CARF: variants seen among roughly 807,000 people sequenced by gnomAD.
The protein encoded by CARF is calcium-responsive transcription factor.
CARF carries 57 observed loss-of-function variants against 82.0 expected under a neutral mutation model. The observed-to-expected ratio is 0.70, with a 90% CI of 0.56 to 0.87. The LOEUF is 0.87. CARF is among the 40% of genes least tolerant of loss of function. CARF has a pLI of 0.00. For missense variants in CARF, 771 were observed against 855.8 expected (o/e 0.90, Z 1.24); for synonymous variants, 268 against 290.1 (o/e 0.92, Z 0.77).
In CARF at chr2:202,961,432, T is replaced by G; in HGVS notation, c.832+6T>G. 1 of 1,612,080 alleles carries G rather than the reference T, an allele frequency of 6.2e-7. No individual in the cohort carries two copies. ...AATCCCATTTGTTAATGCAGGTACT[T>G]TTTTAAAGAATTATTTTAAAAGGTT... On this transcript the variant is annotated splice_donor_region_variant and intron_variant, in intron 9 of 16. Transcript: ENST00000438828.
chr2:202,923,156 G>A (rs182714043), intron 2 of CARF, among the ~76,000 whole-genome samples: 33 of 152,086 alleles, frequency 2.2e-4, no homozygotes, highest in African/African-American at 4.3e-4. Flanking sequence ...CAGGAGAATC[G>A]CTTGAACCTG....
chr2:202,978,113 T>G (rs2060106745), intron 14 of CARF, among the ~76,000 whole-genome samples: 1 of 152,320 alleles, frequency 6.6e-6, no homozygotes, highest in South Asian at 2.1e-4. Context: ...CCCAAAGTGG[T>G]GGGATTACAG....
intron 3 of CARF, among the ~76,000 whole-genome samples, chr2:202,929,363 T>C (rs759083003): frequency 7.2e-5 from 11 of 152,186 alleles, no homozygotes; most frequent in Non-Finnish European, 1.5e-4. Context: ...TTTTTATATA[T>C]GGTGAGAGCT....
chr2:202,933,098 G>T (rs981391685), intron 3 of CARF, among the ~76,000 whole-genome samples: 1 of 152,140 alleles, frequency 6.6e-6, no homozygotes, highest in Non-Finnish European at 1.5e-5. Context: ...TGTTTCCCTA[G>T]GAGGCAGGAT....
intron 2 of CARF, among the ~76,000 whole-genome samples, chr2:202,920,686 G>A (rs1344366788): frequency 2.0e-5 from 3 of 151,640 alleles, no homozygotes; most frequent in African/African-American, 7.3e-5. Flanking sequence ...GGGAAAGAAA[G>A]AAAAAGAAAA....
In CARF at chr2:202,974,363, C is replaced by G. The variant is rs755769195; in HGVS notation, c.1361C>G (p.Pro454Arg). ...TTTGTGGAAAGGGAACTGTTCAAAC[C>G]CGATGAGGTACCTGAAAGACATAAT... Reference protein sequence around the residue: ...RKFVERELFKPDEVPERHNLS... With the variant: ...RKFVERELFKRDEVPERHNLS... The change falls in exon 13 of 17, where the codon CCC becomes CGC. Residue 454 changes from proline to arginine, a missense_variant. Physicochemically the swap from Pro to Arg is moderately radical, Grantham distance 103. Coordinates refer to ENST00000438828, the MANE Select transcript of CARF (RefSeq NM_024744.17). The G allele has an allele frequency of 1.6e-5, 25 of 1,605,638 alleles. No individual in the cohort carries two copies. The highest frequency in any genetic ancestry group is 2.0e-5 in the Non-Finnish European group (24 of 1,177,782).
At chr2:202,925,023 G>A (rs1277815014) in intron 3 of CARF, 5 of 402,788 alleles carry the variant, frequency 1.2e-5, no homozygotes, top group South Asian at 2.1e-5. Context: ...TTTTGCAGCA[G>A]CAAAAAGTAG....
chr2:202,939,798 C>T (rs2058138328), intron 3 of CARF, among the ~76,000 whole-genome samples: 1 of 147,854 alleles, frequency 6.8e-6, no homozygotes, highest in South Asian at 2.2e-4. Context: ...AAGAGATCCT[C>T]CCACCTCAGC....
At chr2:202,971,364 C>A in intron 11 of CARF, 141 bp from the exon 12 acceptor site, 4 of 425,386 alleles carry the variant, frequency 9.4e-6, no homozygotes, top group Non-Finnish European at 8.2e-6. Context: ...ATGAAATAAC[C>A]ATATATAATT....
rs1559298372 is a variant in CARF at position 202,986,867 on chromosome 2, C to CATATATATATAT, written c.*3243_*3244insATATATATATAT. 2 of 56,690 alleles carry CATATATATATAT rather than the reference C, an allele frequency of 3.5e-5. No homozygotes were observed. Among genetic ancestry groups the CATATATATATAT allele is most frequent in the Non-Finnish European group, 6.6e-5 (2 of 30,306 alleles). 3.5% of individuals were successfully genotyped at this position (56,690 alleles called of 1,614,324 possible). A position where few individuals can be genotyped will look rare whatever the true frequency, so the allele number is the denominator to read the frequency against. On this transcript the variant is annotated 3_prime_UTR_variant, in exon 17 of 17. Coordinates refer to ENST00000438828, the MANE Select transcript of CARF (RefSeq NM_024744.17). ...AAAAGAGGTTTAAAAAATGTCTGTG[C>CATATATATATAT]GTATATATATATATATATATATATA...
At chr2:202,919,701 A>G (rs115383244) in intron 2 of CARF, among the ~76,000 whole-genome samples, 263 of 152,318 alleles carry the variant, frequency 1.7e-3, no homozygotes, top group Non-Finnish European at 2.8e-3. Context: ...ATTTAAAGCT[A>G]TGGATTTTTG....
Position 202,924,340 on chromosome 2 carries a change from C to T in CARF, c.-119C>T, listed in dbSNP as rs1691400638. 1 of 151,964 alleles carries T rather than the reference C, an allele frequency of 6.6e-6. No homozygotes were observed. The highest frequency in any genetic ancestry group is 2.4e-5 in the African/African-American group (1 of 41,378). 9.4% of individuals were successfully genotyped at this position (151,964 alleles called of 1,614,324 possible). Reference sequence around the variant, plus strand: ...AAGTCCAAGGGTACAAAGATTTTCTCCTGTGTTTTCTTCTAGAAGTTTTAT... The same window carrying T: ...AAGTCCAAGGGTACAAAGATTTTCTTCTGTGTTTTCTTCTAGAAGTTTTAT... On this transcript the variant is annotated 5_prime_UTR_variant, in exon 3 of 17. Coordinates refer to ENST00000438828, the MANE Select transcript of CARF (RefSeq NM_024744.17).
chr2:202,919,888 G>C (rs147166755), intron 2 of CARF, among the ~76,000 whole-genome samples: 162 of 152,194 alleles, frequency 1.1e-3, no homozygotes, highest in Non-Finnish European at 2.0e-3. Flanking sequence ...ATTGGAACAG[G>C]TAACTGAATC....
intron 5 of CARF, among the ~76,000 whole-genome samples, chr2:202,950,270 G>C (rs1026445301): frequency 6.6e-6 from 1 of 152,164 alleles, no homozygotes; most frequent in African/African-American, 2.4e-5. Context: ...TCAAAATTAA[G>C]AGGATATTCC....
intron 2 of CARF, 56 bp downstream of exon 2, chr2:202,918,099 A>G: frequency 4.6e-6 from 2 of 433,868 alleles, no homozygotes. Flanking sequence ...GTTAACTATT[A>G]TCTATTACAT....
At chr2:202,964,085 A>G (rs2059437004) in intron 9 of CARF, among the ~76,000 whole-genome samples, 1 of 151,464 alleles carries the variant, frequency 6.6e-6, no homozygotes, top group Non-Finnish European at 1.5e-5. Flanking sequence ...ATAACCTCAC[A>G]CAGCTCAGGC....
chr2:202,959,823 A>C (rs977893767), intron 8 of CARF, among the ~76,000 whole-genome samples: 2 of 152,114 alleles, frequency 1.3e-5, no homozygotes, highest in Non-Finnish European at 2.9e-5. Context: ...AACAAAAAAA[A>C]AAAAAAGAAA....
At chr2:202,961,750 C>T in intron 9 of CARF, 1 of 372,902 alleles carries the variant, frequency 2.7e-6, no homozygotes. Context: ...CTGTGTTTTT[C>T]CCCTTCAGAT....
In CARF at chr2:202,917,990, G is replaced by A. The variant is rs980092319; in HGVS notation, c.-216G>A. The A allele has an allele frequency of 6.7e-6, 3 of 444,652 alleles. No individual in the cohort carries two copies. Among genetic ancestry groups the A allele is most frequent in the East Asian group, 1.4e-4 (2 of 14,034 alleles). The allele number at this position is 444,652 out of a possible 1,614,324, so 27.5% of individuals were successfully genotyped here. On this transcript the variant is annotated 5_prime_UTR_variant, in exon 2 of 17. Coordinates refer to ENST00000438828, the MANE Select transcript of CARF (RefSeq NM_024744.17). ...TCAGTGGACAAGAAAGGACATTTCTGGGGGTAGTAGAATGCTTGAGGCCTG... is the reference window on the plus strand; with the variant it reads ...TCAGTGGACAAGAAAGGACATTTCTAGGGGTAGTAGAATGCTTGAGGCCTG...
Sources: allele counts gnomAD v4.1 joint callset (sites outside exome capture counted in the v4.1 genomes callset), GRCh38; gene constraint gnomAD v4.1.1; transcripts MANE v1.5; gene names NCBI Gene and HGNC (gene_info 2026-07-23, HGNC 2026-07-21).